Variants in PRR14L observed in about 807,000 individuals in gnomAD.
PRR14L encodes protein PRR14L.
Under a neutral mutation model 155.0 loss-of-function variants are expected in PRR14L, and 80 were observed. That is an observed-to-expected ratio of 0.52 (90% CI 0.43 to 0.62). The LOEUF is 0.62. Ranked by LOEUF, PRR14L falls within the 20% of genes least tolerant of loss-of-function variation. PRR14L has a pLI of 0.00. For synonymous variants in PRR14L, 883 were observed against 916.0 expected (o/e 0.96, Z 0.65); for missense variants, 2,469 against 2,548.0 (o/e 0.97, Z 0.67).
chr22:31,704,729 A>G lies in PRR14L; in HGVS notation c.5757-3T>C. On this transcript the variant is annotated splice_region_variant and splice_polypyrimidine_tract_variant and intron_variant, in intron 4 of 8. Transcript: ENST00000327423. ...GCACATATGGTAACATGGTGTGGCT[A>G]AAGTAAAGCAAAAGTACAAAAGCAA... 1.9e-6 allele frequency: 3 copies of G among 1,613,268 alleles called. No individual in the cohort carries two copies. In the South Asian group the frequency reaches 3.3e-5, roughly 18 times the overall value.
chr22:31,691,436 G>C (rs1337279998), intron 7 of PRR14L, among the ~76,000 whole-genome samples: 1 of 152,016 alleles, frequency 6.6e-6, no homozygotes, highest in African/African-American at 2.4e-5. Flanking sequence ...GCCCAGGCTG[G>C]TATCAGACTC....
At chr22:31,725,804 G>T (rs2053554853) in intron 2 of PRR14L, among the ~76,000 whole-genome samples, 194 bp from the exon 3 acceptor site, 1 of 152,070 alleles carries the variant, frequency 6.6e-6, no homozygotes, top group African/African-American at 2.4e-5. Flanking sequence ...AAGTAGCTGG[G>T]ATTACATGCA....
At position 31,700,347 on chromosome 22, in the gene PRR14L, C is replaced by T. The variant is rs73402184; in HGVS notation, c.6107+1309G>A. ...TCGAGTAATAAATACTACCCGATCT[C>T]GGATATCTGAAATATTTTTAAAATT... On this transcript the variant is annotated intron_variant, in intron 7 of 8. Transcript: ENST00000327423. 8.7e-3 allele frequency among the ~76,000 whole-genome samples: 1,319 copies of T among 152,122 alleles called. 18 individuals are homozygous for T. The highest frequency in any genetic ancestry group is 0.029 in the African/African-American group (1,205 of 41,508).
chr22:31,715,782 G>A lies in PRR14L; in HGVS notation c.2057C>T (p.Ala686Val). 1.3e-6 allele frequency: 2 copies of A among 1,551,648 alleles called. No individual in the cohort carries two copies. The highest frequency in any genetic ancestry group is 1.2e-5 in the South Asian group (1 of 84,046). Reference sequence around the variant, plus strand: ...TAATGGAGGGTGATGGCTCTGATGGGCATCTCTGCCTGTTGCTAAAGGCAT... The same window carrying A: ...TAATGGAGGGTGATGGCTCTGATGGACATCTCTGCCTGTTGCTAAAGGCAT... ...KEMPLATGRD[A>V]HQSHHPPLEG... is the part of the protein sequence containing the mutation. The change falls in exon 4 of 9, where the codon GCC (alanine) becomes GTC (valine). Residue 686 changes from alanine to valine, a missense_variant. By Grantham distance (64) the Ala-to-Val change is moderately conservative. This residue lies in a region of PRR14L where 2,363 missense variants were observed against 2,371.6 expected (regional missense o/e 1.00). Transcript: ENST00000327423.
Position 31,704,667 on chromosome 22 carries a change from C to A in PRR14L, c.5816G>T (p.Gly1939Val). The change falls in exon 5 of 9, where the codon GGC (glycine) becomes GTC (valine). Residue 1939 changes from glycine to valine, a missense_variant. Coordinates refer to ENST00000327423, the MANE Select transcript of PRR14L (RefSeq NM_173566.3). ...CTCATGTGCTTACCTCGTCTGACTGCCGCTGGTGTTATATGTAGCTTCCAT... is the reference window on the plus strand; with the variant it reads ...CTCATGTGCTTACCTCGTCTGACTGACGCTGGTGTTATATGTAGCTTCCAT... ...PGMEATYNTSGSQTRLEPPFP... is the reference protein window; with the variant it reads ...PGMEATYNTSVSQTRLEPPFP... 1 of 1,613,784 alleles carries A rather than the reference C, an allele frequency of 6.2e-7. No individual in the cohort carries two copies. The highest frequency in any genetic ancestry group is 8.5e-7 in the Non-Finnish European group (1 of 1,179,798).
chr22:31,687,516 G>A (rs974393640), intron 8 of PRR14L, among the ~76,000 whole-genome samples: 5 of 150,926 alleles, frequency 3.3e-5, no homozygotes, highest in African/African-American at 1.2e-4. Context: ...ACCATGCCCG[G>A]CTAATTTTTT....
At chr22:31,689,768 CAG>C (rs2074501274) in intron 7 of PRR14L, among the ~76,000 whole-genome samples, 1 of 151,972 alleles carries the variant, frequency 6.6e-6, no homozygotes, top group Non-Finnish European at 1.5e-5. Flanking sequence ...TTTTTTGAGA[CAG>C]AGTTTCGCTC....
intron 4 of PRR14L, among the ~76,000 whole-genome samples, chr22:31,708,309 C>T (rs985521292): frequency 1.3e-5 from 2 of 151,938 alleles, no homozygotes; most frequent in Non-Finnish European, 2.9e-5. Context: ...CTACACAATA[C>T]AAACCAGCAG....
rs754333430 is a variant in PRR14L, at chr22:31,738,634, C to T, written c.227G>A (p.Cys76Tyr). 1.4e-5 allele frequency: 22 copies of T among 1,552,104 alleles called. No homozygotes were observed. In the South Asian group the frequency reaches 2.4e-4, roughly 17 times the overall value. Residue 76 changes from cysteine to tyrosine, a missense_variant, in exon 2 of 9, where the codon TGT becomes TAT. Coordinates refer to ENST00000327423, the MANE Select transcript of PRR14L (RefSeq NM_173566.3). Reference protein sequence around the residue: ...ELQRTHVESCCEETYETLDHG... With the variant: ...ELQRTHVESCYEETYETLDHG... ...ATCCAAGGTCTCATAGGTTTCTTCA[C>T]AACAACTCTCCACATGAGTCCTCTG... is the stretch of plus-strand genomic sequence containing the variant.
chr22:31,692,948 T>G (rs1429874493), intron 7 of PRR14L, among the ~76,000 whole-genome samples: 1 of 151,956 alleles, frequency 6.6e-6, no homozygotes, highest in Non-Finnish European at 1.5e-5. Context: ...TCATCTTTTC[T>G]TTTTTTTATA....
chr22:31,691,219 G>C (rs959044983), intron 7 of PRR14L, among the ~76,000 whole-genome samples: 1 of 151,976 alleles, frequency 6.6e-6, no homozygotes, highest in African/African-American at 2.4e-5. Flanking sequence ...TGCCCACCTC[G>C]GCCTCCCATA....
chr22:31,734,101 T>C (rs2074765967), intron 2 of PRR14L, among the ~76,000 whole-genome samples: 1 of 152,156 alleles, frequency 6.6e-6, no homozygotes, highest in South Asian at 2.1e-4. Flanking sequence ...TCCTCCCGAA[T>C]AGCTGGGACT....
rs747565528 is a variant in PRR14L, at chr22:31,688,163, CAGG to C, written c.6169_6171del (p.Pro2057del). ...CCAGCTATAAGTACCTACCTGTTTG[CAGG>C]AGGAGATTTATAATTCTTGTTGGTA... On this transcript the variant is annotated inframe_deletion, in exon 8 of 9. Transcript: ENST00000327423. 6.2e-6 allele frequency: 10 copies of C among 1,604,348 alleles called. No individual in the cohort carries two copies. The highest frequency in any genetic ancestry group is 1.7e-4 in the Middle Eastern group (1 of 6,036).
chr22:31,713,683 C>G lies in PRR14L; in HGVS notation c.4156G>C (p.Ala1386Pro). Reference protein sequence around the residue: ...HFKCRGILNHAEKQQSPEVLD... With the variant: ...HFKCRGILNHPEKQQSPEVLD... ...ACCTCAGGGCTCTGCTGTTTTTCAG[C>G]ATGATTAAGTATCCCCCGGCATTTA... Residue 1386 changes from alanine (A) to proline (P), a missense_variant, in exon 4 of 9, where the codon GCT becomes CCT. Physicochemically the swap from Ala to Pro is conservative, Grantham distance 27. Coordinates refer to ENST00000327423, the MANE Select transcript of PRR14L (RefSeq NM_173566.3). 1.3e-6 allele frequency: 2 copies of G among 1,552,148 alleles called. No individual in the cohort carries two copies. Among genetic ancestry groups the G allele is most frequent in the Non-Finnish European group, 1.7e-6 (2 of 1,147,088 alleles).
At chr22:31,734,752 A>C (rs1208686593) in intron 2 of PRR14L, among the ~76,000 whole-genome samples, 1 of 152,196 alleles carries the variant, frequency 6.6e-6, no homozygotes, top group Non-Finnish European at 1.5e-5. Context: ...ATTAGTGTGA[A>C]TACTTATCCA....
intron 3 of PRR14L, among the ~76,000 whole-genome samples, chr22:31,719,150 C>T (rs2074677002): frequency 6.6e-6 from 1 of 152,044 alleles, no homozygotes; most frequent in Non-Finnish European, 1.5e-5. Context: ...CAATGGTGAC[C>T]CCAGCACTTT....
intron 7 of PRR14L, among the ~76,000 whole-genome samples, chr22:31,698,176 C>T (rs2074544710): frequency 2.6e-5 from 4 of 151,884 alleles, no homozygotes; most frequent in African/African-American, 9.7e-5. Flanking sequence ...AGGTGCCTGC[C>T]ACCATGCCTA....
At chr22:31,704,622 C>G in intron 5 of PRR14L, 33 bp downstream of exon 5, 1 of 1,577,964 alleles carries the variant, frequency 6.3e-7, no homozygotes, top group Non-Finnish European at 8.7e-7. Flanking sequence ...CACACGCACA[C>G]GCGCACACAC....
intron 4 of PRR14L, among the ~76,000 whole-genome samples, chr22:31,710,994 T>C (rs948852265): frequency 2.0e-5 from 3 of 152,234 alleles, no homozygotes; most frequent in African/African-American, 7.2e-5. Flanking sequence ...CCATATCTGG[T>C]GATACCTGTG....
Sources: gnomAD v4.1 joint callset for allele counts (sites outside exome capture counted in the v4.1 genomes callset) on GRCh38, gnomAD v4.1.1 for gene constraint, gnomAD v4.1.1 regional missense constraint, MANE v1.5 for transcripts, NCBI Gene and HGNC (gene_info 2026-07-23, HGNC 2026-07-21) for gene names.